The following STK32B variants were observed in gnomAD, a reference collection of about 807,000 sequenced individuals.
The protein encoded by STK32B is serine/threonine-protein kinase 32B.
STK32B carries 43 observed loss-of-function variants against 52.6 expected under a neutral mutation model. That is an observed-to-expected ratio of 0.82 (90% CI 0.64 to 1.05). The LOEUF (loss-of-function observed/expected upper bound fraction) is 1.05, where lower values mean the gene tolerates loss of function less well. STK32B is among the 50% of genes least tolerant of loss of function. The pLI is 0.00. For synonymous variants in STK32B, 238 were observed against 204.3 expected (o/e 1.17, Z -1.41); for missense variants, 621 against 534.6 (o/e 1.16, Z -1.59).
At chr4:5,050,813 G>A (rs1020213493), upstream of STK32B, among the ~76,000 whole-genome samples, 1 of 152,148 alleles carries the variant, frequency 6.6e-6, no homozygotes, top group African/African-American at 2.4e-5. Context: ...CCAGGCTCCC[G>A]CCGCAGGAGC....
intron 3 of STK32B, among the ~76,000 whole-genome samples, chr4:5,310,503 T>G (rs9999846): frequency 0.13 from 19,495 of 152,110 alleles, 2,709 homozygotes; most frequent in African/African-American, 0.36. Context: ...TCTCACCCCA[T>G]TTATAATGGC....
intron 4 of STK32B, among the ~76,000 whole-genome samples, chr4:5,333,267 C>T (rs1433778261): frequency 6.6e-6 from 1 of 152,122 alleles, no homozygotes; most frequent in African/African-American, 2.4e-5. Flanking sequence ...CATTTGGCTG[C>T]ATAAATGTCT....
intron 1 of STK32B, among the ~76,000 whole-genome samples, chr4:5,079,473 A>G (rs1340734854): frequency 6.6e-6 from 1 of 152,210 alleles, no homozygotes; most frequent in African/African-American, 2.4e-5. Context: ...TTGCTCATTA[A>G]GAAGGCAAAA....
chr4:5,217,604 G>T (rs1022277008), intron 3 of STK32B, among the ~76,000 whole-genome samples: 2 of 152,178 alleles, frequency 1.3e-5, no homozygotes, highest in Non-Finnish European at 2.9e-5. Flanking sequence ...GCTTAGGGCA[G>T]AACAAATATC....
intron 1 of STK32B, among the ~76,000 whole-genome samples, chr4:5,074,208 G>A (rs972572019): frequency 6.6e-6 from 1 of 151,728 alleles, no homozygotes; most frequent in East Asian, 1.9e-4. Context: ...GTGTGTGTGT[G>A]TGCGCGTGCG....
chr4:5,479,096 G>T (rs1406768928), intron 11 of STK32B, among the ~76,000 whole-genome samples: 8 of 146,786 alleles, frequency 5.5e-5, no homozygotes, highest in East Asian at 2.0e-4. Context: ...GTTTTTTGTT[G>T]GTTTTTGTTT....
intron 1 of STK32B, among the ~76,000 whole-genome samples, chr4:5,137,712 A>G (rs747948847): frequency 6.6e-6 from 1 of 152,218 alleles, no homozygotes. Context: ...GCTCCAGGGA[A>G]TGTCCTCCCA....
intron 3 of STK32B, among the ~76,000 whole-genome samples, chr4:5,205,229 G>A (rs769316214): frequency 6.6e-6 from 1 of 151,916 alleles, no homozygotes; most frequent in Admixed American, 6.6e-5. Context: ...GACTTATGTC[G>A]TTGCCTCTCC....
At chr4:5,420,297 C>A (rs1712514481) in intron 6 of STK32B, among the ~76,000 whole-genome samples, 1 of 152,070 alleles carries the variant, frequency 6.6e-6, no homozygotes, top group South Asian at 2.1e-4. Flanking sequence ...TTCATGGGAG[C>A]CTGAACACTT....
intron 1 of STK32B, among the ~76,000 whole-genome samples, chr4:5,110,261 T>A (rs1714326666): frequency 8.2e-6 from 1 of 121,948 alleles, no homozygotes; most frequent in South Asian, 2.7e-4. Context: ...ATCCTAAAAT[T>A]CATATGGAAC....
At chr4:5,155,535 G>A (rs1838973) in intron 2 of STK32B, among the ~76,000 whole-genome samples, 7,687 of 152,164 alleles carry the variant, frequency 0.051, 230 homozygotes, top group South Asian at 0.11. Context: ...CATACCCACC[G>A]ATATGGTTTG....
intron 1 of STK32B, among the ~76,000 whole-genome samples, chr4:5,116,481 A>G (rs186400890): frequency 6.6e-6 from 1 of 152,302 alleles, no homozygotes; most frequent in African/African-American, 2.4e-5. Flanking sequence ...CTATCAACTC[A>G]TATACTTATT....
chr4:5,169,563 T>C (rs940710740), intron 3 of STK32B, among the ~76,000 whole-genome samples: 3 of 151,866 alleles, frequency 2.0e-5, no homozygotes, highest in Non-Finnish European at 4.4e-5. Context: ...TCTGAGAAAA[T>C]CAAGGTGTGC....
At chr4:5,119,116 C>G (rs958663776) in intron 1 of STK32B, among the ~76,000 whole-genome samples, 2 of 152,170 alleles carry the variant, frequency 1.3e-5, no homozygotes, top group Non-Finnish European at 2.9e-5. Flanking sequence ...TATTGTGTCC[C>G]CCAAAGCCAG....
chr4:5,359,121 A>T (rs952464711), intron 4 of STK32B, among the ~76,000 whole-genome samples: 4 of 152,238 alleles, frequency 2.6e-5, no homozygotes, highest in African/African-American at 9.6e-5. Flanking sequence ...TCTTGTAATA[A>T]TTGCCATAAG....
chr4:5,252,680 T>C (rs530369107), intron 3 of STK32B, among the ~76,000 whole-genome samples: 1 of 152,320 alleles, frequency 6.6e-6, no homozygotes, highest in Admixed American at 6.5e-5. Context: ...AGGAGAAAGA[T>C]CCTGTGCTGT....
At chr4:5,073,346 T>C (rs1461819964) in intron 1 of STK32B, among the ~76,000 whole-genome samples, 3 of 152,072 alleles carry the variant, frequency 2.0e-5, no homozygotes, top group Non-Finnish European at 4.4e-5. Flanking sequence ...CTTTATTTTA[T>C]CACAGCCTTA....
chr4:5,272,855 G>T (rs1196328395), intron 3 of STK32B, among the ~76,000 whole-genome samples: 1 of 139,890 alleles, frequency 7.1e-6, no homozygotes, highest in Non-Finnish European at 1.5e-5. Flanking sequence ...ATGGATTAAA[G>T]ATTTAAACGT....
intron 3 of STK32B, among the ~76,000 whole-genome samples, chr4:5,198,912 C>CAG (rs1721908025): frequency 6.7e-6 from 1 of 149,240 alleles, no homozygotes; most frequent in Admixed American, 6.6e-5. Flanking sequence ...GTGGCTGATC[C>CAG]TGTCTTTCCT....
Sources: allele counts gnomAD v4.1 joint callset (sites outside exome capture counted in the v4.1 genomes callset), GRCh38; gene constraint gnomAD v4.1.1; transcripts MANE v1.5; gene names NCBI Gene and HGNC (gene_info 2026-07-23, HGNC 2026-07-21).